GALNTL6: variants seen among roughly 807,000 people sequenced by gnomAD.
GALNTL6 encodes polypeptide N-acetylgalactosaminyltransferase-like 6.
GALNTL6 carries 46 observed loss-of-function variants against 73.7 expected under a neutral mutation model. The observed-to-expected ratio is 0.62, with a 90% CI of 0.49 to 0.80. GALNTL6 has a LOEUF of 0.80. Among genes scored for constraint, GALNTL6 ranks in the 30% least tolerant of loss-of-function variants. GALNTL6 has a pLI of 0.00. For synonymous variants in GALNTL6, 259 were observed against 263.7 expected, an observed-to-expected ratio of 0.98 and a Z score of 0.17; for missense variants, 604 against 755.0, an observed-to-expected ratio of 0.80 and a Z score of 2.34.
intron 7 of GALNTL6, among the ~76,000 whole-genome samples, chr4:172,832,560 C>A (rs184522300): frequency 1.1e-4 from 16 of 152,292 alleles, no homozygotes; most frequent in Non-Finnish European, 1.6e-4. Context: ...TAGGCAGGCT[C>A]AAAAATTTCT....
At chr4:172,674,192 A>G (rs1732150173) in intron 5 of GALNTL6, among the ~76,000 whole-genome samples, 2 of 152,254 alleles carry the variant, frequency 1.3e-5, no homozygotes, top group East Asian at 1.9e-4. Flanking sequence ...TTGCTTGTGT[A>G]AAAAGGATCT....
chr4:172,721,048 T>C (rs1249065887), intron 5 of GALNTL6, among the ~76,000 whole-genome samples: 1 of 152,216 alleles, frequency 6.6e-6, no homozygotes, highest in Non-Finnish European at 1.5e-5. Context: ...TCTGTCTCTA[T>C]GTTCGGGAAC....
chr4:172,179,289 C>G (rs866416722), intron 2 of GALNTL6, among the ~76,000 whole-genome samples: 2 of 151,594 alleles, frequency 1.3e-5, no homozygotes, highest in Admixed American at 6.6e-5. Context: ...AAAAGTATTC[C>G]TATTTCTCCA....
At chr4:173,022,479 C>T (rs1042749121) in intron 12 of GALNTL6, among the ~76,000 whole-genome samples, 15 of 152,242 alleles carry the variant, frequency 9.9e-5, no homozygotes, top group Admixed American at 5.2e-4. Context: ...ACCACGCATA[C>T]ATAATTTTTA....
At chr4:172,570,580 G>A (rs919713477) in intron 5 of GALNTL6, among the ~76,000 whole-genome samples, 4 of 152,096 alleles carry the variant, frequency 2.6e-5, no homozygotes, top group Non-Finnish European at 5.9e-5. Context: ...AGAATTGTGA[G>A]AAAATAAGTT....
chr4:172,959,447 C>G (rs1280229979), intron 10 of GALNTL6, among the ~76,000 whole-genome samples: 1 of 151,974 alleles, frequency 6.6e-6, no homozygotes, highest in Non-Finnish European at 1.5e-5. Flanking sequence ...AGAAGCCTGG[C>G]CGTCAATACC....
chr4:172,356,315 G>T (rs979444148), intron 5 of GALNTL6, among the ~76,000 whole-genome samples: 8 of 152,036 alleles, frequency 5.3e-5, no homozygotes, highest in Non-Finnish European at 8.8e-5. Flanking sequence ...GAAATAAAAG[G>T]TTATGTTTTA....
chr4:171,930,177 G>A (rs774294288), intron 2 of GALNTL6, among the ~76,000 whole-genome samples: 3 of 152,286 alleles, frequency 2.0e-5, no homozygotes, highest in African/African-American at 7.2e-5. Context: ...GAGCACACGC[G>A]ACAGCCTGTG....
chr4:172,507,521 A>G lies in GALNTL6; in HGVS notation c.553+158832A>G, dbSNP rs1288187949. ...CTCCTCCTACATGCCAAGTTCATTC[A>G]TTCTCTAGGGCCTTTGCATAGAGCT... On this transcript the variant is annotated intron_variant, in intron 5 of 12. Transcript: ENST00000506823. Among the ~76,000 whole-genome samples, 4 of 54,288 alleles carry G rather than the reference A, an allele frequency of 7.4e-5. 2 individuals are homozygous for G. Among genetic ancestry groups the G allele is most frequent in the Non-Finnish European group, 1.7e-4 (4 of 23,708 alleles). The allele number at this position is 54,288 out of a possible 152,430, so 35.6% of individuals were successfully genotyped here. A position where few individuals can be genotyped will look rare whatever the true frequency, so the allele number is the denominator to read the frequency against.
intron 5 of GALNTL6, among the ~76,000 whole-genome samples, chr4:172,443,483 A>C (rs2111405987): frequency 6.6e-6 from 1 of 152,092 alleles, no homozygotes; most frequent in South Asian, 2.1e-4. Context: ...ATATATATTA[A>C]CAATTAAGTA....
chr4:171,938,899 C>G (rs576654597), intron 2 of GALNTL6, among the ~76,000 whole-genome samples: 2 of 152,148 alleles, frequency 1.3e-5, no homozygotes, highest in South Asian at 4.1e-4. Context: ...AAATTGATAG[C>G]ATTTTTTAAC....
At chr4:172,518,304 G>A (rs1397264673) in intron 5 of GALNTL6, among the ~76,000 whole-genome samples, 1 of 152,056 alleles carries the variant, frequency 6.6e-6, no homozygotes, top group East Asian at 1.9e-4. Context: ...GAAGTTGAAG[G>A]AAAAGATTCT....
intron 2 of GALNTL6, among the ~76,000 whole-genome samples, chr4:172,169,616 G>T (rs1734748388): frequency 6.6e-6 from 1 of 152,018 alleles, no homozygotes; most frequent in African/African-American, 2.4e-5. Context: ...TACCTAAGCA[G>T]ATATTAGTCA....
chr4:172,843,560 C>G lies in GALNTL6; in HGVS notation c.923+29837C>G, dbSNP rs77861337. ...CCTTCCTTGTGAAAGTCAGGTTCAC[C>G]CATACAACACTCTTTTCCATGCTCT... On this transcript the variant is annotated intron_variant, in intron 7 of 12. Transcript: ENST00000506823. Among the ~76,000 whole-genome samples the G allele has an allele frequency of 4.8e-3, 728 of 152,222 alleles. 7 individuals carry two copies. Among genetic ancestry groups the G allele is most frequent in the African/African-American group, 0.015 (618 of 41,530 alleles).
chr4:172,178,498 T>C (rs1207923898), intron 2 of GALNTL6, among the ~76,000 whole-genome samples: 2 of 151,826 alleles, frequency 1.3e-5, no homozygotes, highest in Non-Finnish European at 2.9e-5. Flanking sequence ...CAACTCCTAC[T>C]TATGAGTAAG....
chr4:172,109,147 A>C (rs1157546583), intron 2 of GALNTL6, among the ~76,000 whole-genome samples: 3 of 152,148 alleles, frequency 2.0e-5, no homozygotes, highest in African/African-American at 7.2e-5. Flanking sequence ...ACTTTTTGAG[A>C]ATTCACTGAA....
chr4:172,455,126 T>C (rs1469198963), intron 5 of GALNTL6, among the ~76,000 whole-genome samples: 1 of 152,190 alleles, frequency 6.6e-6, no homozygotes, highest in Non-Finnish European at 1.5e-5. Flanking sequence ...GGAACTCCCC[T>C]AGCCAAGGGA....
intron 2 of GALNTL6, among the ~76,000 whole-genome samples, chr4:171,887,865 AC>A (rs1403092018): frequency 6.6e-6 from 1 of 152,148 alleles, no homozygotes; most frequent in Non-Finnish European, 1.5e-5. Flanking sequence ...AAACAAACAA[AC>A]AAAAAATAAA....
intron 5 of GALNTL6, chr4:172,666,753 T>G (rs919550472): frequency 6.6e-6 from 1 of 152,228 alleles, no homozygotes; most frequent in Non-Finnish European, 1.5e-5. Flanking sequence ...TCATTTCCAT[T>G]TAAAGCATCT....
Sources: allele counts gnomAD v4.1 joint callset (sites outside exome capture counted in the v4.1 genomes callset), GRCh38; gene constraint gnomAD v4.1.1; transcripts MANE v1.5; gene names NCBI Gene and HGNC (gene_info 2026-07-23, HGNC 2026-07-21).